Variants in CCDC60 observed in about 807,000 individuals in gnomAD.
CCDC60 encodes the protein coiled-coil domain containing 60.
Under a neutral mutation model 63.5 loss-of-function variants are expected in CCDC60, and 54 were observed. The observed-to-expected ratio is 0.85, with a 90% CI of 0.68 to 1.07. The LOEUF is 1.07. Among genes scored for constraint, CCDC60 ranks in the 50% least tolerant of loss-of-function variants. The pLI, the probability that CCDC60 is intolerant of heterozygous loss-of-function variation, is 0.00. For synonymous variants in CCDC60, 206 were observed against 238.8 expected (o/e 0.86, Z 1.27); for missense variants, 651 against 684.3 (o/e 0.95, Z 0.54).
intron 7 of CCDC60, among the ~76,000 whole-genome samples, chr12:119,512,234 T>C (rs940023363): frequency 3.9e-5 from 6 of 152,214 alleles, no homozygotes; most frequent in African/African-American, 1.4e-4. Flanking sequence ...CACTAAGGAA[T>C]GAGGTGTCTG....
intron 1 of CCDC60, among the ~76,000 whole-genome samples, chr12:119,337,993 T>C (rs896593052): frequency 2.0e-5 from 3 of 152,060 alleles, no homozygotes; most frequent in South Asian, 2.1e-4. Context: ...ATCTCTTTCT[T>C]GGGAGGAGGG....
intron 5 of CCDC60, among the ~76,000 whole-genome samples, chr12:119,495,868 C>G (rs1951705788): frequency 6.6e-6 from 1 of 152,158 alleles, no homozygotes; most frequent in South Asian, 2.1e-4. Context: ...TTTGAGATAG[C>G]AATGTGTCAT....
intron 2 of CCDC60, among the ~76,000 whole-genome samples, chr12:119,429,999 A>G (rs1239208206): frequency 6.6e-6 from 1 of 152,206 alleles, no homozygotes; most frequent in Non-Finnish European, 1.5e-5. Context: ...TGTATTGATG[A>G]GATGCTTTTC....
intron 1 of CCDC60, among the ~76,000 whole-genome samples, chr12:119,406,078 G>A (rs1213414945): frequency 6.6e-6 from 1 of 152,150 alleles, no homozygotes; most frequent in African/African-American, 2.4e-5. Flanking sequence ...GGCTGAGGCA[G>A]GAGAATCGCT....
At chr12:119,498,618 T>C (rs1951768282) in intron 5 of CCDC60, among the ~76,000 whole-genome samples, 1 of 152,232 alleles carries the variant, frequency 6.6e-6, no homozygotes, top group South Asian at 2.1e-4. Flanking sequence ...ATTACAGGCA[T>C]GAGCCCGGTT....
intron 7 of CCDC60, among the ~76,000 whole-genome samples, chr12:119,515,683 G>A (rs923390950): frequency 6.6e-6 from 1 of 152,140 alleles, no homozygotes; most frequent in Non-Finnish European, 1.5e-5. Context: ...GAGGGGTGGT[G>A]GGAGCTGTGG....
intron 10 of CCDC60, 117 bp from the exon 11 acceptor site, chr12:119,523,576 T>C: frequency 6.9e-7 from 1 of 1,439,674 alleles, no homozygotes; most frequent in Non-Finnish European, 9.3e-7. Flanking sequence ...CCCAGGTGGC[T>C]ACAGGGAGTC....
intron 5 of CCDC60, among the ~76,000 whole-genome samples, chr12:119,499,431 C>T (rs550715196): frequency 8.5e-5 from 13 of 152,280 alleles, no homozygotes; most frequent in African/African-American, 2.4e-5. Context: ...TAGCTTCATT[C>T]GTTTCACTGT....
intron 4 of CCDC60, among the ~76,000 whole-genome samples, chr12:119,480,895 A>C (rs1262026414): frequency 6.7e-6 from 1 of 149,734 alleles, no homozygotes; most frequent in Non-Finnish European, 1.5e-5. Context: ...CACCACCATC[A>C]TCACCACCAT....
chr12:119,507,274 C>T (rs1000045504), intron 7 of CCDC60, among the ~76,000 whole-genome samples: 1 of 151,658 alleles, frequency 6.6e-6, no homozygotes, highest in East Asian at 1.9e-4. Context: ...TGACTGCCAA[C>T]AGGAAAAATC....
chr12:119,350,595 T>A (rs1247490295), intron 1 of CCDC60, among the ~76,000 whole-genome samples: 3 of 152,176 alleles, frequency 2.0e-5, no homozygotes, highest in Non-Finnish European at 4.4e-5. Context: ...AAAGCTCTTA[T>A]CAGCACTGCC....
In CCDC60 at chr12:119,456,045, AAGAAAGAAAG is replaced by A. The variant is rs1352647105; in HGVS notation, c.171-15947_171-15938del. On this transcript the variant is annotated intron_variant, in intron 2 of 13. Coordinates refer to ENST00000327554, the MANE Select transcript of CCDC60 (RefSeq NM_178499.5). This position sits in a 1 kb window ranked among gnomAD's most constrained non-coding sequence, Gnocchi z 4.6. ...AAAGAAAGAAAGAAAGAAAGAAAGA[AAGAAAGAAAG>A]AAAGAAAGCAAGCAAGCATGTGCAA... is the stretch of plus-strand genomic sequence containing the variant. Among the ~76,000 whole-genome samples, 2 of 147,008 alleles carry A rather than the reference AAGAAAGAAAG, an allele frequency of 1.4e-5. No individual in the cohort carries two copies. The highest frequency in any genetic ancestry group is 6.8e-5 in the Admixed American group (1 of 14,694).
intron 11 of CCDC60, among the ~76,000 whole-genome samples, chr12:119,524,724 T>TTC (rs1173157265): frequency 7.1e-6 from 1 of 141,424 alleles, no homozygotes; most frequent in Admixed American, 7.0e-5. Flanking sequence ...TTCTTTTCTT[T>TTC]TTTTTTTTTT....
intron 3 of CCDC60, among the ~76,000 whole-genome samples, chr12:119,473,835 T>C (rs544355266): frequency 6.6e-6 from 1 of 152,338 alleles, no homozygotes; most frequent in Admixed American, 6.5e-5. Context: ...TATATATGTA[T>C]ATACATACCA....
intron 2 of CCDC60, among the ~76,000 whole-genome samples, chr12:119,436,476 A>G (rs1411837578): frequency 5.9e-5 from 9 of 151,978 alleles, no homozygotes; most frequent in Admixed American, 5.9e-4. Context: ...GAAGAAGCCA[A>G]CTAGGAAATT....
chr12:119,465,483 C>T (rs1416738701), intron 2 of CCDC60, among the ~76,000 whole-genome samples: 1 of 151,906 alleles, frequency 6.6e-6, no homozygotes, highest in African/African-American at 2.4e-5. Context: ...GCAGACCGGG[C>T]GAGGTGGTTC....
chr12:119,454,349 T>G (rs1950687484), intron 2 of CCDC60, among the ~76,000 whole-genome samples: 1 of 152,186 alleles, frequency 6.6e-6, no homozygotes, highest in Admixed American at 6.5e-5. Flanking sequence ...GCATATAAAG[T>G]GCTTAGCTCA....
At chr12:119,482,044 TA>T (rs1951337400) in intron 4 of CCDC60, among the ~76,000 whole-genome samples, 2 of 132,226 alleles carry the variant, frequency 1.5e-5, no homozygotes. Context: ...TATATATGTA[TA>T]TATATGTGTG....
intron 2 of CCDC60, among the ~76,000 whole-genome samples, chr12:119,443,408 C>T (rs1173507138): frequency 6.6e-6 from 1 of 152,080 alleles, no homozygotes; most frequent in Non-Finnish European, 1.5e-5. Flanking sequence ...ATTAAAAAGC[C>T]AGAAATCTCA....
Sources: gnomAD v4.1 joint callset for allele counts (sites outside exome capture counted in the v4.1 genomes callset) on GRCh38, gnomAD v4.1.1 for gene constraint, Gnocchi (gnomAD v3.1) non-coding constraint, MANE v1.5 for transcripts, NCBI Gene and HGNC (gene_info 2026-07-23, HGNC 2026-07-21) for gene names.